The following PLD5 variants were observed in gnomAD, a reference collection of about 807,000 sequenced individuals.
PLD5 encodes the protein inactive phospholipase D5.
Under a neutral mutation model 61.1 loss-of-function variants are expected in PLD5, and 36 were observed. The observed-to-expected ratio is 0.59, with a 90% CI of 0.45 to 0.78. PLD5 has a LOEUF of 0.78. PLD5 is among the 30% of genes least tolerant of loss of function. PLD5 has a pLI of 0.00. For missense variants in PLD5, 515 were observed against 644.4 expected (o/e 0.80, Z 2.17); for synonymous variants, 243 against 242.8 (o/e 1.00, Z -0.01).
At chr1:242,497,677 A>G (rs977557238) in intron 1 of PLD5, among the ~76,000 whole-genome samples, 1 of 152,238 alleles carries the variant, frequency 6.6e-6, no homozygotes, top group Non-Finnish European at 1.5e-5. Context: ...TAAATGAGAT[A>G]ACATATTTGA....
chr1:242,493,120 A>G (rs947364321), intron 1 of PLD5, among the ~76,000 whole-genome samples: 1 of 152,200 alleles, frequency 6.6e-6, no homozygotes, highest in Non-Finnish European at 1.5e-5. Context: ...CTAATAGTTT[A>G]GGATATCTCA....
At position 242,396,703 on chromosome 1, in the gene PLD5, T is replaced by A. The variant is rs200535221; in HGVS notation, c.190-48461A>T. ...TTTTTTTTTTTTTTGAGACGGAGTC[T>A]CACTCTGTCACCAGGCTGGAGTGCA... is the stretch of plus-strand genomic sequence containing the variant. On this transcript the variant is annotated intron_variant, in intron 1 of 9. Transcript: ENST00000536534. Among the ~76,000 whole-genome samples, 3 of 144,432 alleles carry A rather than the reference T, an allele frequency of 2.1e-5. No individual in the cohort carries two copies. In the East Asian group the frequency reaches 6.5e-4, roughly 31 times the overall value. 94.8% of individuals were successfully genotyped at this position (144,432 alleles called of 152,430 possible).
intron 1 of PLD5, among the ~76,000 whole-genome samples, chr1:242,394,979 A>ATATATATGAATATATATG (rs1663424290): frequency 1.1e-5 from 1 of 90,940 alleles, no homozygotes; most frequent in Non-Finnish European, 2.0e-5. Flanking sequence ...TTATATATGA[A>ATATATATGAATATATATG]TATATATGAA....
At chr1:242,391,211 T>C (rs1662910797) in intron 1 of PLD5, among the ~76,000 whole-genome samples, 1 of 152,038 alleles carries the variant, frequency 6.6e-6, no homozygotes, top group South Asian at 2.1e-4. Context: ...AAGAAAAAGT[T>C]GTGGCTCCTG....
intron 5 of PLD5, among the ~76,000 whole-genome samples, chr1:242,139,776 A>C (rs1664020589): frequency 6.6e-6 from 1 of 152,158 alleles, no homozygotes; most frequent in Admixed American, 6.5e-5. Flanking sequence ...GCATTGGTGG[A>C]TGCAGGCACC....
At chr1:242,244,064 A>C (rs2149068634) in intron 4 of PLD5, among the ~76,000 whole-genome samples, 1 of 152,314 alleles carries the variant, frequency 6.6e-6, no homozygotes, top group Admixed American at 6.5e-5. Context: ...CAAATTCAGA[A>C]TAAATATGCC....
At chr1:242,153,294 G>T (rs1201732332) in intron 5 of PLD5, among the ~76,000 whole-genome samples, 1 of 152,042 alleles carries the variant, frequency 6.6e-6, no homozygotes, top group African/African-American at 2.4e-5. Flanking sequence ...CTCCCATTCT[G>T]TAGGCTGCCT....
chr1:242,480,164 A>T (rs1667727091), intron 1 of PLD5, among the ~76,000 whole-genome samples: 1 of 152,230 alleles, frequency 6.6e-6, no homozygotes, highest in Admixed American at 6.5e-5. Flanking sequence ...AGGATGGCAT[A>T]TAGATTAACT....
Position 242,100,744 on chromosome 1 carries a change from T to C in PLD5, c.1278A>G (p.Thr426=). 6.2e-7 allele frequency: 1 copy of C among 1,614,052 alleles called. No homozygotes were observed. The highest frequency in any genetic ancestry group is 8.5e-7 in the Non-Finnish European group (1 of 1,179,988). The part of the protein sequence containing the change: ...FDLERENACA[T]KEQKNHTFPR... ...GAAAGGTGTGATTCTTTTGTTCTTT[T>C]GTAGCACAAGCATTCTCTCTTTCCA... The change falls in exon 9 of 10, where the codon ACA becomes ACG. Residue 426 remains threonine, a synonymous_variant. Coordinates refer to ENST00000536534, the MANE Select transcript of PLD5 (RefSeq NM_001372062.1).
At chr1:242,336,032 G>A (rs1236993008) in intron 2 of PLD5, among the ~76,000 whole-genome samples, 21 of 152,134 alleles carry the variant, frequency 1.4e-4, no homozygotes, top group Non-Finnish European at 2.6e-4. Flanking sequence ...CAGAGGACAC[G>A]AATAGGCACG....
chr1:242,377,678 A>G (rs1662044781), intron 1 of PLD5, among the ~76,000 whole-genome samples: 1 of 152,162 alleles, frequency 6.6e-6, no homozygotes, highest in African/African-American at 2.4e-5. Flanking sequence ...AACAAACAAC[A>G]AAAAATACAA....
intron 7 of PLD5, among the ~76,000 whole-genome samples, chr1:242,113,320 C>T (rs1324440593): frequency 1.3e-5 from 2 of 152,068 alleles, no homozygotes; most frequent in African/African-American, 2.4e-5. Context: ...GTCTCGATCT[C>T]CTGACCTCGT....
chr1:242,254,515 C>CA, intron 4 of PLD5, among the ~76,000 whole-genome samples: 1 of 152,228 alleles, frequency 6.6e-6, no homozygotes, highest in Admixed American at 6.5e-5. Flanking sequence ...ACCAAAAATA[C>CA]AAAAATTAGC....
In PLD5 at chr1:242,211,693, G is replaced by A. The variant is rs6690415; in HGVS notation, c.735+8295C>T. On this transcript the variant is annotated intron_variant, in intron 5 of 9. Coordinates refer to ENST00000536534, the MANE Select transcript of PLD5 (RefSeq NM_001372062.1). Reference sequence around the variant, plus strand: ...ACAAGTGGCGCCCTGCATGAGGAACGCTACAAAAGGATCACGATGGACCCC... The same window carrying A: ...ACAAGTGGCGCCCTGCATGAGGAACACTACAAAAGGATCACGATGGACCCC... Among the ~76,000 whole-genome samples the A allele has an allele frequency of 8.9e-3, 1,347 of 151,980 alleles. 19 individuals are homozygous for A. The highest frequency in any genetic ancestry group is 0.031 in the African/African-American group (1,291 of 41,450).
intron 4 of PLD5, among the ~76,000 whole-genome samples, chr1:242,249,294 A>G (rs1325216257): frequency 6.6e-6 from 1 of 152,228 alleles, no homozygotes; most frequent in East Asian, 1.9e-4. Flanking sequence ...ACCTTCTGCC[A>G]TGAAATGGTA....
chr1:242,472,380 G>A (rs872216), intron 1 of PLD5, among the ~76,000 whole-genome samples: 19,672 of 152,258 alleles, frequency 0.13, 1,508 homozygotes, highest in Middle Eastern at 0.18. Context: ...GTCAAGGTGC[G>A]CCGATAGAGC....
chr1:242,202,986 A>C (rs1298628830), intron 5 of PLD5, among the ~76,000 whole-genome samples: 1 of 152,128 alleles, frequency 6.6e-6, no homozygotes, highest in Non-Finnish European at 1.5e-5. Flanking sequence ...GATCGTATAT[A>C]AAAACAGAAC....
intron 1 of PLD5, among the ~76,000 whole-genome samples, chr1:242,372,837 A>G (rs900361533): frequency 7.3e-4 from 48 of 66,136 alleles, no homozygotes; most frequent in Non-Finnish European, 1.7e-3. Flanking sequence ...AACCATAAAA[A>G]CCCTAGAAGA....
At chr1:242,456,801 G>A (rs1666957029) in intron 1 of PLD5, among the ~76,000 whole-genome samples, 1 of 152,310 alleles carries the variant, frequency 6.6e-6, no homozygotes, top group South Asian at 2.1e-4. Flanking sequence ...CTGGAACACA[G>A]ACCTGGAGTC....
Sources: allele counts gnomAD v4.1 joint callset (sites outside exome capture counted in the v4.1 genomes callset), GRCh38; gene constraint gnomAD v4.1.1; transcripts MANE v1.5; gene names NCBI Gene and HGNC (gene_info 2026-07-23, HGNC 2026-07-21).